ERBB4: variants seen among roughly 807,000 people sequenced by gnomAD.
The protein encoded by ERBB4 is erb-b2 receptor tyrosine kinase 4.
Under a neutral mutation model 158.0 loss-of-function variants are expected in ERBB4, and 42 were observed. The observed-to-expected ratio is 0.27, with a 90% confidence interval of 0.21 to 0.34. ERBB4 has a LOEUF of 0.34. ERBB4 is among the 10% of genes least tolerant of loss of function. The pLI, the probability that ERBB4 is intolerant of heterozygous loss-of-function variation, is 1.00. For missense variants in ERBB4, 1,333 were observed against 1,624.1 expected (o/e 0.82, Z 3.08); for synonymous variants, 583 against 558.7 (o/e 1.04, Z -0.61).
intron 2 of ERBB4, among the ~76,000 whole-genome samples, chr2:212,020,560 A>C (rs1380202015): frequency 6.6e-6 from 1 of 152,076 alleles, no homozygotes; most frequent in East Asian, 1.9e-4. Flanking sequence ...ACTTATATTT[A>C]TGTAAATCAA....
At chr2:212,093,602 A>G (rs191524213) in intron 2 of ERBB4, among the ~76,000 whole-genome samples, 91 of 152,366 alleles carry the variant, frequency 6.0e-4, no homozygotes, top group Middle Eastern at 3.4e-3. Flanking sequence ...TGGCTCTGCC[A>G]TTAATAAACT....
chr2:212,010,815 G>C (rs7595560), intron 2 of ERBB4, among the ~76,000 whole-genome samples: 45,230 of 151,764 alleles, frequency 0.3, 7,638 homozygotes, highest in African/African-American at 0.46. Context: ...ACTCCCAGAG[G>C]GGCCGTTTAT....
At chr2:212,464,998 A>G (rs1024701713) in intron 1 of ERBB4, among the ~76,000 whole-genome samples, 1 of 152,072 alleles carries the variant, frequency 6.6e-6, no homozygotes, top group Non-Finnish European at 1.5e-5. Context: ...AACGATAGTA[A>G]AACTCTGCTC....
chr2:212,166,958 C>G (rs2125661524), intron 1 of ERBB4, among the ~76,000 whole-genome samples: 1 of 152,252 alleles, frequency 6.6e-6, no homozygotes, highest in Middle Eastern at 3.4e-3. Flanking sequence ...GGATTGAAGA[C>G]TTAAATGTAA....
At chr2:212,534,899 T>TA (rs529944788) in intron 1 of ERBB4, among the ~76,000 whole-genome samples, 1 of 152,148 alleles carries the variant, frequency 6.6e-6, no homozygotes, top group Non-Finnish European at 1.5e-5. Context: ...CAGGTTAGAA[T>TA]AAAAAATGCA....
intron 20 of ERBB4, among the ~76,000 whole-genome samples, chr2:211,469,525 A>G (rs2064780088): frequency 6.6e-6 from 1 of 152,176 alleles, no homozygotes; most frequent in African/African-American, 2.4e-5. Context: ...TTAAATATAT[A>G]TGTATCCTCC....
chr2:212,240,562 G>A (rs2084048334), intron 1 of ERBB4, among the ~76,000 whole-genome samples: 1 of 147,558 alleles, frequency 6.8e-6, no homozygotes, highest in African/African-American at 2.5e-5. Flanking sequence ...GAACCCGGGA[G>A]GCGGAGGTTG....
intron 1 of ERBB4, among the ~76,000 whole-genome samples, chr2:212,422,667 C>T (rs1208817155): frequency 6.6e-6 from 1 of 152,166 alleles, no homozygotes; most frequent in African/African-American, 2.4e-5. Flanking sequence ...ACTGTGAGAG[C>T]GAAGCTCTTA....
chr2:211,585,970 T>A (rs2068262951), intron 19 of ERBB4, among the ~76,000 whole-genome samples: 1 of 152,190 alleles, frequency 6.6e-6, no homozygotes. Context: ...AATACTTCAA[T>A]AGCTTATTTT....
At chr2:212,501,306 CT>C (rs1054287921) in intron 1 of ERBB4, among the ~76,000 whole-genome samples, 2 of 152,170 alleles carry the variant, frequency 1.3e-5, no homozygotes, top group Admixed American at 1.3e-4. Flanking sequence ...CCTGATTTGT[CT>C]GTTTGCTGGC....
In ERBB4 at chr2:211,420,352, T is replaced by C. The variant is rs575920802; in HGVS notation, c.3135+89A>G. 4.5e-4 allele frequency: 416 copies of C among 919,486 alleles called. 1 individual carries two copies. In the African/African-American group the frequency reaches 6.0e-3, roughly 13 times the overall value. The allele number at this position is 919,486 out of a possible 1,614,324, so 57.0% of individuals were successfully genotyped here. On this transcript the variant is annotated intron_variant, in intron 25 of 27. Transcript: ENST00000342788. ...AGGCATCACATTGATTTGAGCTATA[T>C]AATTATTTTGAAATGTTAGTGCTTA...
chr2:212,302,640 A>C (rs977104860), intron 1 of ERBB4, among the ~76,000 whole-genome samples: 1 of 151,488 alleles, frequency 6.6e-6, no homozygotes, highest in Non-Finnish European at 1.5e-5. Context: ...AAAGTCAAAT[A>C]ATTTCTGTAA....
intron 1 of ERBB4, among the ~76,000 whole-genome samples, chr2:212,215,899 T>C (rs571997773): frequency 3.1e-4 from 47 of 151,562 alleles, no homozygotes; most frequent in Middle Eastern, 3.4e-3. Context: ...ATAGATGCAA[T>C]AGATCACAAA....
At chr2:211,459,686 A>T (rs189050007) in intron 20 of ERBB4, among the ~76,000 whole-genome samples, 10 of 152,272 alleles carry the variant, frequency 6.6e-5, no homozygotes, top group African/African-American at 2.2e-4. Context: ...TGCCTTCTGC[A>T]TGATATGAGG....
At chr2:211,575,970 A>T (rs2067878931) in intron 19 of ERBB4, among the ~76,000 whole-genome samples, 2 of 152,166 alleles carry the variant, frequency 1.3e-5, no homozygotes, top group African/African-American at 4.8e-5. Context: ...ACTGTGATTA[A>T]TATGCAAGTT....
intron 3 of ERBB4, among the ~76,000 whole-genome samples, chr2:211,945,835 A>G (rs1267716198): frequency 1.3e-5 from 2 of 152,102 alleles, no homozygotes; most frequent in Admixed American, 6.6e-5. Flanking sequence ...AGCACATCTT[A>G]TGGAATAATA....
At chr2:212,490,415 C>T (rs1229502383) in intron 1 of ERBB4, among the ~76,000 whole-genome samples, 1 of 145,264 alleles carries the variant, frequency 6.9e-6, no homozygotes, top group Non-Finnish European at 1.5e-5. Flanking sequence ...TTTTCATGCC[C>T]TCACTGTCTA....
intron 1 of ERBB4, among the ~76,000 whole-genome samples, chr2:212,364,402 A>T (rs2089805404): frequency 6.6e-6 from 1 of 151,696 alleles, no homozygotes; most frequent in South Asian, 2.1e-4. Flanking sequence ...CTCAGTCAGC[A>T]ATTTGCAGAG....
intron 25 of ERBB4, among the ~76,000 whole-genome samples, chr2:211,406,628 C>T (rs778219938): frequency 2.0e-5 from 3 of 152,098 alleles, no homozygotes; most frequent in African/African-American, 4.8e-5. Context: ...TTTTGGTAAA[C>T]AGTGCAGCCT....
Sources: allele counts gnomAD v4.1 joint callset (sites outside exome capture counted in the v4.1 genomes callset), GRCh38; gene constraint gnomAD v4.1.1; transcripts MANE v1.5; gene names NCBI Gene and HGNC (gene_info 2026-07-23, HGNC 2026-07-21).